Variants in SLC25A17 observed in about 807,000 individuals in gnomAD.
SLC25A17 encodes the protein peroxisomal membrane protein PMP34.
In SLC25A17, 26 loss-of-function variants were observed where a neutral mutation model predicts 38.5. The observed-to-expected ratio is 0.68, with a 90% CI of 0.50 to 0.94. The LOEUF (loss-of-function observed/expected upper bound fraction) is 0.94. Among genes scored for constraint, SLC25A17 ranks in the 40% least tolerant of loss-of-function variants. SLC25A17 has a pLI of 0.00. For missense variants in SLC25A17, 333 were observed against 372.7 expected, an observed-to-expected ratio of 0.89 and a Z score of 0.88; for synonymous variants, 139 against 136.2, an observed-to-expected ratio of 1.02 and a Z score of -0.14.
intron 1 of SLC25A17, among the ~76,000 whole-genome samples, chr22:40,803,714 G>A (rs541346640): frequency 1.1e-4 from 16 of 151,858 alleles, no homozygotes; most frequent in Non-Finnish European, 1.5e-4. Flanking sequence ...AATTTTTTGA[G>A]GAACCTCCAT....
intron 1 of SLC25A17, 56 bp from the exon 2 acceptor site, chr22:40,799,139 T>C (rs1235264166): frequency 1.3e-6 from 1 of 762,338 alleles, no homozygotes; most frequent in Admixed American, 3.1e-5. Flanking sequence ...AAGTCACAAC[T>C]TTTTTTTTTT....
chr22:40,817,935 T>G (rs888771733), intron 1 of SLC25A17, among the ~76,000 whole-genome samples: 2 of 152,216 alleles, frequency 1.3e-5, no homozygotes, highest in Non-Finnish European at 2.9e-5. Context: ...CTCTTCTGGC[T>G]GAACTGAATG....
Position 40,770,911 on chromosome 22 carries a change from G to C in SLC25A17, c.847C>G (p.Leu283Val), listed in dbSNP as rs1038908174. The C allele has an allele frequency of 6.2e-7, 1 of 1,613,472 alleles. No homozygotes were observed. The highest frequency in any genetic ancestry group is 2.2e-5 in the East Asian group (1 of 44,872). ...KLLQTVLTAA[L>V]MFLVYEKLTA... Reference sequence around the variant, plus strand: ...AGTTTCTCATAAACAAGGAACATGAGAGCAGCAGTGAGGACTGTCTGCAGC... The same window carrying C: ...AGTTTCTCATAAACAAGGAACATGACAGCAGCAGTGAGGACTGTCTGCAGC... Residue 283 changes from leucine to valine, a missense_variant, in exon 9 of 9, where the codon CTC (leucine) becomes GTC (valine). Leu to Val is a conservative substitution (Grantham distance 32). Transcript: ENST00000435456.
chr22:40,812,674 T>C (rs2057595048), intron 1 of SLC25A17, among the ~76,000 whole-genome samples: 1 of 152,164 alleles, frequency 6.6e-6, no homozygotes, highest in Non-Finnish European at 1.5e-5. Flanking sequence ...AATCAATGTA[T>C]AGCCTCTCCT....
intron 1 of SLC25A17, among the ~76,000 whole-genome samples, chr22:40,806,608 T>C (rs922786636): frequency 2.8e-4 from 43 of 152,180 alleles, no homozygotes; most frequent in African/African-American, 9.9e-4. Flanking sequence ...TAACATATTA[T>C]AAAATTAACC....
At chr22:40,779,425 C>T (rs754777511) in intron 4 of SLC25A17, 1 of 616,410 alleles carries the variant, frequency 1.6e-6, no homozygotes, top group South Asian at 2.8e-5. Context: ...TTCAAAGTAG[C>T]AATTTTGATA....
intron 1 of SLC25A17, among the ~76,000 whole-genome samples, chr22:40,809,808 A>C (rs994566406): frequency 2.0e-5 from 3 of 152,182 alleles, no homozygotes; most frequent in Admixed American, 6.5e-5. Flanking sequence ...ACTACAAAAA[A>C]AATACATTAT....
intron 1 of SLC25A17, among the ~76,000 whole-genome samples, chr22:40,806,030 T>C (rs1322170884): frequency 1.3e-5 from 2 of 152,190 alleles, no homozygotes; most frequent in African/African-American, 4.8e-5. Flanking sequence ...ACTGTGAGTA[T>C]GGGAACCTGA....
At chr22:40,805,891 G>A (rs1457744315) in intron 1 of SLC25A17, among the ~76,000 whole-genome samples, 1 of 152,218 alleles carries the variant, frequency 6.6e-6, no homozygotes, top group African/African-American at 2.4e-5. Flanking sequence ...AACTAATACA[G>A]CCGGATTACT....
At chr22:40,791,388 A>T (rs1005954405) in intron 4 of SLC25A17, among the ~76,000 whole-genome samples, 2 of 152,172 alleles carry the variant, frequency 1.3e-5, no homozygotes, top group African/African-American at 4.8e-5. Context: ...TTATTAGCCT[A>T]AACTCAGAGA....
intron 2 of SLC25A17, among the ~76,000 whole-genome samples, chr22:40,796,328 C>T (rs1424989294): frequency 6.6e-6 from 1 of 152,126 alleles, no homozygotes; most frequent in Non-Finnish European, 1.5e-5. Flanking sequence ...GGATGGCAAA[C>T]TGGCAAACTC....
chr22:40,792,799 G>A, intron 3 of SLC25A17, 123 bp from the exon 4 acceptor site: 1 of 898,760 alleles, frequency 1.1e-6, no homozygotes, highest in Non-Finnish European at 1.7e-6. Flanking sequence ...ACGAATACAA[G>A]GGACTCCAAA....
rs972282581 is a variant in SLC25A17 at position 40,797,279 on chromosome 22, C to A, written c.115+1744G>T. On this transcript the variant is annotated intron_variant, in intron 2 of 8. Transcript: ENST00000435456. ...CTTTGAATTACTATTGAAAGCTAAT[C>A]TTACTCATCTCTTCATGCAAGTTCT... 5 of 1,276,946 alleles carry A rather than the reference C, an allele frequency of 3.9e-6. No individual in the cohort carries two copies. In the African/African-American group the frequency reaches 7.7e-5, roughly 20 times the overall value. 79.1% of individuals were successfully genotyped at this position (1,276,946 alleles called of 1,614,324 possible). A position where few individuals can be genotyped will look rare whatever the true frequency, so the allele number is the denominator to read the frequency against.
At chr22:40,812,460 G>A (rs1384485208) in intron 1 of SLC25A17, among the ~76,000 whole-genome samples, 1 of 152,118 alleles carries the variant, frequency 6.6e-6, no homozygotes, top group Admixed American at 6.5e-5. Flanking sequence ...AAATACAGAA[G>A]CATATTTTCA....
intron 4 of SLC25A17, chr22:40,788,866 T>C: frequency 3.9e-6 from 1 of 258,182 alleles, no homozygotes; most frequent in Non-Finnish European, 8.1e-6. Flanking sequence ...AGTCATTTCT[T>C]AGCTTCCTCA....
chr22:40,795,211 G>A (rs2057417963), intron 2 of SLC25A17, among the ~76,000 whole-genome samples: 1 of 152,034 alleles, frequency 6.6e-6, no homozygotes, highest in Non-Finnish European at 1.5e-5. Context: ...CAGATCCCTT[G>A]CCCTTCATCT....
At position 40,794,583 on chromosome 22, in the gene SLC25A17, A is replaced by G; in HGVS notation, c.116-3T>C. 1 of 1,597,372 alleles carries G rather than the reference A, an allele frequency of 6.3e-7. No individual in the cohort carries two copies. Among genetic ancestry groups the G allele is most frequent in the Admixed American group, 1.7e-5 (1 of 59,736 alleles). ...TTTGGATTTTCTTTTCTCATCAACTACAAGACCAAACAGTGCATGTTTATT... is the reference window on the plus strand; with the variant it reads ...TTTGGATTTTCTTTTCTCATCAACTGCAAGACCAAACAGTGCATGTTTATT... On this transcript the variant is annotated splice_region_variant and splice_polypyrimidine_tract_variant and intron_variant, in intron 2 of 8. Coordinates refer to ENST00000435456, the MANE Select transcript of SLC25A17 (RefSeq NM_006358.4).
intron 1 of SLC25A17, among the ~76,000 whole-genome samples, chr22:40,814,955 G>A (rs1391889833): frequency 1.3e-5 from 2 of 151,818 alleles, no homozygotes; most frequent in Non-Finnish European, 2.9e-5. Flanking sequence ...GAGTAGCTGG[G>A]ACTACAGGCG....
chr22:40,777,187 T>C (rs1193771974), intron 6 of SLC25A17, 41 bp downstream of exon 6: 1 of 1,613,462 alleles, frequency 6.2e-7, no homozygotes. Context: ...CAAGAAGGTG[T>C]CAGACAGAAT....
Sources: allele counts gnomAD v4.1 joint callset (sites outside exome capture counted in the v4.1 genomes callset), GRCh38; gene constraint gnomAD v4.1.1; transcripts MANE v1.5; gene names NCBI Gene and HGNC (gene_info 2026-07-23, HGNC 2026-07-21).